The following KCNQ5 variants were observed in gnomAD, a reference collection of about 807,000 sequenced individuals.
KCNQ5 encodes potassium voltage-gated channel subfamily Q member 5.
KCNQ5 carries 30 observed loss-of-function variants against 98.2 expected under a neutral mutation model. The ratio of observed to expected loss-of-function variants is 0.31; its 90% CI spans 0.23 to 0.41. KCNQ5 has a LOEUF of 0.41. Ranked by LOEUF, KCNQ5 falls within the 10% of genes least tolerant of loss-of-function variation. The probability of loss-of-function intolerance (pLI) is 1.00; values close to 1 mark genes in which losing one functional copy is unlikely to be tolerated. For missense variants in KCNQ5, 835 were observed against 1,182.5 expected (o/e 0.71, Z 4.31); for synonymous variants, 458 against 449.4 (o/e 1.02, Z -0.24).
chr6:72,678,274 T>C (rs1398656922), intron 1 of KCNQ5: 1 of 152,182 alleles, frequency 6.6e-6, no homozygotes, highest in East Asian at 1.9e-4. Flanking sequence ...GCTCACCATG[T>C]GCCAAACATC....
At chr6:72,862,791 C>G (rs1777822853) in intron 1 of KCNQ5, among the ~76,000 whole-genome samples, 1 of 152,032 alleles carries the variant, frequency 6.6e-6, no homozygotes, top group Admixed American at 6.6e-5. Context: ...CCATGCCTGG[C>G]TAAGTTTTTA....
chr6:72,762,555 A>G (rs1772343009), intron 1 of KCNQ5, among the ~76,000 whole-genome samples: 1 of 152,078 alleles, frequency 6.6e-6, no homozygotes, highest in Admixed American at 6.6e-5. Flanking sequence ...AATGCTTGAC[A>G]CTGAAGGATT....
chr6:73,106,233 C>A (rs1774994991), intron 6 of KCNQ5, among the ~76,000 whole-genome samples: 1 of 152,156 alleles, frequency 6.6e-6, no homozygotes, highest in African/African-American at 2.4e-5. Context: ...GTGCAGAGAA[C>A]ACCCTTGTCC....
chr6:72,750,478 A>G (rs1194502032), intron 1 of KCNQ5, among the ~76,000 whole-genome samples: 1 of 152,036 alleles, frequency 6.6e-6, no homozygotes, highest in Non-Finnish European at 1.5e-5. Flanking sequence ...TAATTTTATA[A>G]ACAATAAAAC....
At chr6:72,718,583 T>TG (rs1769779120) in intron 1 of KCNQ5, among the ~76,000 whole-genome samples, 2 of 151,318 alleles carry the variant, frequency 1.3e-5, no homozygotes, top group African/African-American at 4.9e-5. Flanking sequence ...CCCGAGTAGC[T>TG]GGGACTACAG....
intron 10 of KCNQ5, among the ~76,000 whole-genome samples, chr6:73,154,917 C>T (rs139268744): frequency 1.3e-5 from 2 of 152,062 alleles, no homozygotes; most frequent in African/African-American, 4.8e-5. Context: ...AACCATAGTA[C>T]AACAGAAAAT....
At chr6:72,860,347 A>G (rs1271926300) in intron 1 of KCNQ5, among the ~76,000 whole-genome samples, 1 of 152,030 alleles carries the variant, frequency 6.6e-6, no homozygotes, top group East Asian at 1.9e-4. Flanking sequence ...GGACCTTTTC[A>G]ACATGCTCAG....
chr6:73,152,909 A>G (rs531941661), intron 10 of KCNQ5, among the ~76,000 whole-genome samples: 68 of 152,204 alleles, frequency 4.5e-4, no homozygotes, highest in Non-Finnish European at 7.6e-4. Context: ...GATCCTCAAC[A>G]TTCAATCTGT....
chr6:73,014,802 C>T (rs572877514), intron 2 of KCNQ5, among the ~76,000 whole-genome samples: 5 of 151,914 alleles, frequency 3.3e-5, no homozygotes, highest in African/African-American at 1.2e-4. Context: ...CTTTTTAATG[C>T]GGGCACATGC....
chr6:73,068,001 G>A (rs1475094964), intron 3 of KCNQ5, among the ~76,000 whole-genome samples: 1 of 151,800 alleles, frequency 6.6e-6, no homozygotes, highest in Non-Finnish European at 1.5e-5. Context: ...TATACTATAA[G>A]AATACATAAT....
chr6:72,929,408 T>G (rs1562074058), intron 1 of KCNQ5, among the ~76,000 whole-genome samples: 1 of 152,104 alleles, frequency 6.6e-6, no homozygotes, highest in African/African-American at 2.4e-5. Context: ...AAGTGCACTC[T>G]CAGTTGTCTG....
chr6:72,681,872 G>A (rs1767726876), intron 1 of KCNQ5, among the ~76,000 whole-genome samples: 1 of 152,014 alleles, frequency 6.6e-6, no homozygotes, highest in South Asian at 2.1e-4. Context: ...ATTTTCCCTT[G>A]AGGATTCTCT....
At position 72,910,977 on chromosome 6, in the gene KCNQ5, G is replaced by C. The variant is rs536992410; in HGVS notation, c.399-92931G>C. 3.3e-5 allele frequency among the ~76,000 whole-genome samples: 5 copies of C among 152,250 alleles called. No homozygotes were observed. In the South Asian group the frequency reaches 1.0e-3, roughly 32 times the overall value. On this transcript the variant is annotated intron_variant, in intron 1 of 13. Coordinates refer to ENST00000370398, the MANE Select transcript of KCNQ5 (RefSeq NM_019842.4). ...GCCTGAGCAAAGAAGCTCACACACA[G>C]GGCCTGTGCCTATGACTCCAGATGA...
At chr6:72,838,679 G>T (rs1191406397) in intron 1 of KCNQ5, among the ~76,000 whole-genome samples, 1 of 151,518 alleles carries the variant, frequency 6.6e-6, no homozygotes, top group South Asian at 2.1e-4. Context: ...GGCCGGGCGC[G>T]GTGGCTCACG....
At chr6:73,119,367 T>C (rs1379545359) in intron 7 of KCNQ5, among the ~76,000 whole-genome samples, 2 of 152,224 alleles carry the variant, frequency 1.3e-5, no homozygotes, top group African/African-American at 4.8e-5. Flanking sequence ...AGCCCTTTTT[T>C]TCTCACCTAC....
chr6:73,103,845 A>T (rs909937896), intron 5 of KCNQ5, among the ~76,000 whole-genome samples: 1 of 152,176 alleles, frequency 6.6e-6, no homozygotes, highest in Non-Finnish European at 1.5e-5. Context: ...GTACATTTTA[A>T]AATAATTAAG....
intron 1 of KCNQ5, among the ~76,000 whole-genome samples, chr6:72,881,194 C>T (rs1454774552): frequency 6.6e-6 from 1 of 152,130 alleles, no homozygotes; most frequent in Non-Finnish European, 1.5e-5. Flanking sequence ...AAAATCAGTC[C>T]TAGCAAAGTT....
At chr6:72,781,004 C>T (rs1484909297) in intron 1 of KCNQ5, among the ~76,000 whole-genome samples, 1 of 152,140 alleles carries the variant, frequency 6.6e-6, no homozygotes, top group Admixed American at 6.6e-5. Context: ...AATCTTCTGA[C>T]ACTAATAATC....
At chr6:73,094,104 C>T (rs529960632) in intron 5 of KCNQ5, among the ~76,000 whole-genome samples, 2 of 152,046 alleles carry the variant, frequency 1.3e-5, no homozygotes, top group East Asian at 1.9e-4. Context: ...AGTGCATATA[C>T]GTTTAGGATT....
Sources: gnomAD v4.1 joint callset for allele counts (sites outside exome capture counted in the v4.1 genomes callset) on GRCh38, gnomAD v4.1.1 for gene constraint, MANE v1.5 for transcripts, NCBI Gene and HGNC (gene_info 2026-07-23, HGNC 2026-07-21) for gene names.